The following PRKG1 variants were observed in gnomAD, a reference collection of about 807,000 sequenced individuals.
PRKG1 encodes cGMP-dependent protein kinase 1.
In PRKG1, 35 loss-of-function variants were observed where a neutral mutation model predicts 88.1. The ratio of observed to expected loss-of-function variants is 0.40; its 90% confidence interval spans 0.30 to 0.53. The LOEUF (loss-of-function observed/expected upper bound fraction) is 0.53, where lower values mean the gene tolerates loss of function less well. PRKG1 is among the 20% of genes least tolerant of loss of function. The pLI, the probability that PRKG1 is intolerant of heterozygous loss-of-function variation, is 0.59. For synonymous variants in PRKG1, 303 were observed against 292.5 expected, an observed-to-expected ratio of 1.04 and a Z score of -0.37; for missense variants, 540 against 839.8, an observed-to-expected ratio of 0.64 and a Z score of 4.41.
In PRKG1 at chr10:51,999,937, A is replaced by G. The variant is rs1302300528; in HGVS notation, c.763-54547A>G. Among the ~76,000 whole-genome samples the G allele has an allele frequency of 4.6e-5, 7 of 152,264 alleles. No homozygotes were observed. In the East Asian group the frequency reaches 1.2e-3, roughly 25 times the overall value. On this transcript the variant is annotated intron_variant, in intron 5 of 17. Coordinates refer to ENST00000373980, the MANE Select transcript of PRKG1 (RefSeq NM_006258.4). ...GCAGAATATGGATCAGAAGTTTGGC[A>G]TAGGAAAAATTTTCGAATTTATATT...
intron 2 of PRKG1, among the ~76,000 whole-genome samples, chr10:51,281,639 C>G (rs944608664): frequency 6.6e-6 from 1 of 152,158 alleles, no homozygotes; most frequent in Non-Finnish European, 1.5e-5. Context: ...GGGGCATAGC[C>G]AAACAAAAGG....
intron 2 of PRKG1, among the ~76,000 whole-genome samples, chr10:51,419,804 ATT>A (rs1415273874): frequency 2.3e-4 from 33 of 142,094 alleles, no homozygotes; most frequent in Admixed American, 3.5e-4. Flanking sequence ...AGAGCCAATA[ATT>A]TTTTTTTTTT....
chr10:51,254,037 A>G (rs1839491846), intron 2 of PRKG1, among the ~76,000 whole-genome samples: 1 of 152,038 alleles, frequency 6.6e-6, no homozygotes, highest in Non-Finnish European at 1.5e-5. Flanking sequence ...TAATGTTTCA[A>G]CTGAGTGGCA....
chr10:51,249,072 T>A (rs1308781505), intron 2 of PRKG1, among the ~76,000 whole-genome samples: 1 of 151,838 alleles, frequency 6.6e-6, no homozygotes, highest in Non-Finnish European at 1.5e-5. Flanking sequence ...TATAAAATTT[T>A]TAAAAACATG....
At chr10:51,991,552 C>A (rs1223527379) in intron 5 of PRKG1, among the ~76,000 whole-genome samples, 1 of 152,048 alleles carries the variant, frequency 6.6e-6, no homozygotes, top group Non-Finnish European at 1.5e-5. Context: ...CATGACAGGC[C>A]CTGGTGTGTG....
chr10:51,479,098 C>T (rs1213408308), intron 3 of PRKG1, among the ~76,000 whole-genome samples: 1 of 151,894 alleles, frequency 6.6e-6, no homozygotes, highest in East Asian at 1.9e-4. Context: ...TTATCTGAAT[C>T]TCCTACCTGT....
chr10:51,186,185 A>C (rs146922985), intron 2 of PRKG1, among the ~76,000 whole-genome samples: 4,603 of 152,010 alleles, frequency 0.03, 116 homozygotes, highest in Non-Finnish European at 0.049. Context: ...GAATAAATAA[A>C]TTATACATAT....
intron 9 of PRKG1, among the ~76,000 whole-genome samples, chr10:52,179,930 G>T (rs750593755): frequency 6.6e-6 from 1 of 152,102 alleles, no homozygotes; most frequent in Non-Finnish European, 1.5e-5. Context: ...TTCGTGATCT[G>T]CCCGCTTTGG....
At chr10:51,202,371 A>G (rs1334006243) in intron 2 of PRKG1, among the ~76,000 whole-genome samples, 2 of 152,098 alleles carry the variant, frequency 1.3e-5, no homozygotes, top group Non-Finnish European at 2.9e-5. Flanking sequence ...TTGGGCCTCA[A>G]TCTTTGCCTG....
intron 3 of PRKG1, among the ~76,000 whole-genome samples, chr10:51,596,086 C>T (rs1838441149): frequency 6.6e-6 from 1 of 152,172 alleles, no homozygotes. Context: ...GCCTCGGCCT[C>T]CCAAAGTGCT....
rs147732447 is a variant in PRKG1 at position 51,610,668 on chromosome 10, T to C, written c.592+142832T>C. On this transcript the variant is annotated intron_variant, in intron 3 of 17. Transcript: ENST00000373980. ...GATAGACTGGATAAAGAAAATGTGGTACATAAACACTGTGGAACGCTATGC... is the reference window on the plus strand; with the variant it reads ...GATAGACTGGATAAAGAAAATGTGGCACATAAACACTGTGGAACGCTATGC... Among the ~76,000 whole-genome samples the C allele has an allele frequency of 9.0e-3, 1,376 of 152,166 alleles. 20 individuals are homozygous for C. Among genetic ancestry groups the C allele is most frequent in the African/African-American group, 0.031 (1,301 of 41,506 alleles).
intron 2 of PRKG1, among the ~76,000 whole-genome samples, chr10:51,407,266 C>A (rs949628568): frequency 6.6e-6 from 1 of 152,064 alleles, no homozygotes; most frequent in Non-Finnish European, 1.5e-5. Context: ...CATGCACATC[C>A]CCTGAGATCA....
intron 1 of PRKG1, among the ~76,000 whole-genome samples, chr10:51,125,361 T>A (rs1043963895): frequency 4.0e-5 from 6 of 150,778 alleles, no homozygotes; most frequent in Non-Finnish European, 5.9e-5. Flanking sequence ...TAAATTTATT[T>A]AAAAAATTAT....
intron 2 of PRKG1, among the ~76,000 whole-genome samples, chr10:51,404,079 A>C (rs2132673169): frequency 6.6e-6 from 1 of 152,330 alleles, no homozygotes; most frequent in South Asian, 2.1e-4. Flanking sequence ...ATTAGTGCAT[A>C]GTGCTGTTAG....
At chr10:52,232,885 G>A (rs1840559372) in intron 9 of PRKG1, among the ~76,000 whole-genome samples, 1 of 152,164 alleles carries the variant, frequency 6.6e-6, no homozygotes, top group Non-Finnish European at 1.5e-5. Flanking sequence ...CTGTCCCTGT[G>A]AATCTGCAAG....
chr10:51,404,449 C>A (rs987347352), intron 2 of PRKG1, among the ~76,000 whole-genome samples: 1 of 152,114 alleles, frequency 6.6e-6, no homozygotes, highest in Non-Finnish European at 1.5e-5. Flanking sequence ...CTGGACTGAG[C>A]CAATTTGTCA....
At chr10:51,079,918 G>A (rs528452673) in intron 1 of PRKG1, among the ~76,000 whole-genome samples, 44 of 152,266 alleles carry the variant, frequency 2.9e-4, no homozygotes, top group African/African-American at 9.1e-4. Context: ...TGTTCTCATT[G>A]AAAGTAATCT....
intron 7 of PRKG1, among the ~76,000 whole-genome samples, chr10:52,124,304 A>C (rs1161759900): frequency 6.6e-6 from 1 of 152,194 alleles, no homozygotes; most frequent in East Asian, 1.9e-4. Flanking sequence ...CCTAAGCTCC[A>C]TGGTATAGCC....
intron 2 of PRKG1, among the ~76,000 whole-genome samples, chr10:51,378,161 A>G (rs1842852131): frequency 6.6e-6 from 1 of 152,242 alleles, no homozygotes; most frequent in South Asian, 2.1e-4. Context: ...TACAAGGAAT[A>G]GTAGAATGCC....
Sources: allele counts gnomAD v4.1 joint callset (sites outside exome capture counted in the v4.1 genomes callset), GRCh38; gene constraint gnomAD v4.1.1; transcripts MANE v1.5; gene names NCBI Gene and HGNC (gene_info 2026-07-23, HGNC 2026-07-21).